ANP32E: variants seen among roughly 807,000 people sequenced by gnomAD.
The protein encoded by ANP32E is acidic nuclear phosphoprotein 32 family member E, also known as acidic leucine-rich nuclear phosphoprotein 32 family member E.
Under a neutral mutation model 35.3 loss-of-function variants are expected in ANP32E, and 14 were observed. The observed-to-expected ratio is 0.40, with a 90% confidence interval of 0.26 to 0.62. The LOEUF (loss-of-function observed/expected upper bound fraction) is 0.62, where lower values mean the gene tolerates loss of function less well. Among genes scored for constraint, ANP32E ranks in the 20% least tolerant of loss-of-function variants. ANP32E has a pLI of 0.45. For missense variants in ANP32E, 198 were observed against 304.4 expected (o/e 0.65, Z 2.60); for synonymous variants, 89 against 110.4 (o/e 0.81, Z 1.22).
chr1:150,234,184 G>A (rs1208326491), intron 1 of ANP32E, among the ~76,000 whole-genome samples: 1 of 151,882 alleles, frequency 6.6e-6, no homozygotes, highest in African/African-American at 2.4e-5. Context: ...CAATCACTAA[G>A]TGAAAGAATC....
chr1:150,229,968 T>C (rs990820830), intron 3 of ANP32E, among the ~76,000 whole-genome samples: 3 of 152,226 alleles, frequency 2.0e-5, no homozygotes, highest in Non-Finnish European at 2.9e-5. Flanking sequence ...TTGAGAATGA[T>C]TTTTGTATTT....
chr1:150,234,934 G>GA (rs1397111408), intron 1 of ANP32E, among the ~76,000 whole-genome samples: 1 of 152,228 alleles, frequency 6.6e-6, no homozygotes, highest in Admixed American at 6.5e-5. Context: ...TTTAAAGCAC[G>GA]AAACTACTAC....
intron 5 of ANP32E, among the ~76,000 whole-genome samples, chr1:150,223,747 A>AT (rs1437789867): frequency 7.0e-4 from 82 of 116,322 alleles, no homozygotes; most frequent in African/African-American, 2.4e-3. Context: ...CTTTTTATTT[A>AT]TTTATTTTTT....
rs1649750514 is a variant in ANP32E, at chr1:150,235,977, C to CT, written c.-192dup. ...CAAATGGAGTCCAAGAGTTGGGACT[C>CT]TAACTCAGCTGCCCCCACCTCCTTG... On this transcript the variant is annotated 5_prime_UTR_variant, in exon 1 of 7. It removes the in-frame stop codon of an upstream open reading frame in the 5' UTR. Transcript: ENST00000583931. This position sits in a 1 kb window ranked among gnomAD's most constrained non-coding sequence, Gnocchi z 4.2. 9 of 589,370 alleles carry CT rather than the reference C, an allele frequency of 1.5e-5. No homozygotes were observed. In the South Asian group the frequency reaches 1.6e-4, roughly 11 times the overall value. The allele number at this position is 589,370 out of a possible 1,614,324, so 36.5% of individuals were successfully genotyped here.
At chr1:150,228,907 G>A (rs587754452) in intron 4 of ANP32E, among the ~76,000 whole-genome samples, 165 bp downstream of exon 4, 107 of 152,186 alleles carry the variant, frequency 7.0e-4, no homozygotes, top group African/African-American at 2.5e-3. Context: ...AAATCTGAAA[G>A]AAGAAATACT....
chr1:150,225,665 T>TCAAAAAAAAAAAA lies in ANP32E; in HGVS notation c.681+942_681+943insTTTTTTTTTTTTG, dbSNP rs1339242877. On this transcript the variant is annotated intron_variant, in intron 5 of 6. Transcript: ENST00000583931. The stretch of plus-strand genomic sequence containing the variant: ...CAGCCTGGGCAACAGAGTGAGACTG[T>TCAAAAAAAAAAAA]AACAAAAAAAAAAAAAAAAAAAAAA... 1.9e-4 allele frequency among the ~76,000 whole-genome samples: 16 copies of TCAAAAAAAAAAAA among 83,548 alleles called. 6 individuals are homozygous for TCAAAAAAAAAAAA. The highest frequency in any genetic ancestry group is 3.3e-4 in the African/African-American group (6 of 18,078). 54.8% of individuals were successfully genotyped at this position (83,548 alleles called of 152,430 possible).
At chr1:150,221,510 AGG>A in intron 6 of ANP32E, among the ~76,000 whole-genome samples, 1 of 86,742 alleles carries the variant, frequency 1.2e-5, no homozygotes, top group Non-Finnish European at 2.3e-5. Flanking sequence ...GGAGGGAGGG[AGG>A]AAAGGAAGGA....
chr1:150,221,796 AT>A (rs1446787364), intron 6 of ANP32E, among the ~76,000 whole-genome samples: 4 of 152,160 alleles, frequency 2.6e-5, no homozygotes, highest in Admixed American at 6.5e-5. Context: ...TTGTTAGTAA[AT>A]TTTAAAAATT....
chr1:150,232,532 A>G (rs766231185), intron 1 of ANP32E, among the ~76,000 whole-genome samples: 1 of 139,128 alleles, frequency 7.2e-6, no homozygotes, highest in Non-Finnish European at 1.5e-5. Flanking sequence ...GTGCAATGGC[A>G]CGATCTCGGC....
chr1:150,235,145 G>A lies in ANP32E; in HGVS notation c.54+588C>T, dbSNP rs1342185888. Among the ~76,000 whole-genome samples the A allele has an allele frequency of 1.3e-5, 2 of 152,220 alleles. No homozygotes were observed. Among genetic ancestry groups the A allele is most frequent in the African/African-American group, 4.8e-5 (2 of 41,466 alleles). On this transcript the variant is annotated intron_variant, in intron 1 of 6. Transcript: ENST00000583931. The surrounding 1 kb of genome is among the most constrained non-coding windows in gnomAD (Gnocchi z 4.2). ...GCCGCTGACCCAGATTCCGCCGGGC[G>A]AAGGGCAGAGGGCGGCGCGCGCGGC...
chr1:150,220,463 A>G lies in ANP32E; in HGVS notation c.*228T>C. 1 of 430,938 alleles carries G rather than the reference A, an allele frequency of 2.3e-6. No individual in the cohort carries two copies. The highest frequency in any genetic ancestry group is 4.2e-6 in the Non-Finnish European group (1 of 238,026). The allele number at this position is 430,938 out of a possible 1,614,324, so 26.7% of individuals were successfully genotyped here. On this transcript the variant is annotated 3_prime_UTR_variant, in exon 7 of 7. Transcript: ENST00000583931. ...AAAAATTAAGTCTAAATAAATTGCT[A>G]GGGAATTCCACAATGGGAGTCAATG...
At position 150,226,789 on chromosome 1, in the gene ANP32E, T is replaced by C; in HGVS notation, c.500A>G (p.Asp167Gly). The change falls in exon 5 of 7, where the codon GAT becomes GGT. Residue 167 changes from aspartate (D) to glycine (G), a missense_variant. Physicochemically the swap from Asp to Gly is moderately conservative, Grantham distance 94. Around this residue, in one of 4 missense-constraint regions of ANP32E, gnomAD observed 121 missense variants for 137.3 expected, o/e 0.88. Coordinates refer to ENST00000583931, the MANE Select transcript of ANP32E (RefSeq NM_030920.5). ...DSEEEDDEDGDEDDEEEEENE... is the reference protein window; with the variant it reads ...DSEEEDDEDGGEDDEEEEENE... Reference sequence around the variant, plus strand: ...TTCCTCTTCCTCTTCATCATCTTCATCGCCATCTTTAAAAAATCATTTAAA... The same window carrying C: ...TTCCTCTTCCTCTTCATCATCTTCACCGCCATCTTTAAAAAATCATTTAAA... 1 of 1,601,574 alleles carries C rather than the reference T, an allele frequency of 6.2e-7. No individual in the cohort carries two copies. Among genetic ancestry groups the C allele is most frequent in the East Asian group, 2.2e-5 (1 of 44,692 alleles).
chr1:150,227,806 T>TTTTTTTTTTTTTTTTGAG (rs1553840516), intron 4 of ANP32E, among the ~76,000 whole-genome samples: 5 of 142,362 alleles, frequency 3.5e-5, no homozygotes, highest in Non-Finnish European at 8.0e-5. Flanking sequence ...AATTTCTTTT[T>TTTTTTTTTTTTTTTTGAG]ACGATGAAGA....
chr1:150,220,857 T>TGTG, intron 6 of ANP32E, 96 bp from the exon 7 acceptor site: 1 of 1,055,464 alleles, frequency 9.5e-7, no homozygotes, highest in Non-Finnish European at 1.4e-6. Context: ...TGGCAAGGCC[T>TGTG]AGCACGGTGG....
Position 150,223,342 on chromosome 1 carries a change from T to G in ANP32E, c.682-102A>C, listed in dbSNP as rs587668258. ...AAGAGCAAAGAAACTATGGTTATTCTGTGTTTTGACAACCTCTGCCATTCT... is the reference window on the plus strand; with the variant it reads ...AAGAGCAAAGAAACTATGGTTATTCGGTGTTTTGACAACCTCTGCCATTCT... On this transcript the variant is annotated intron_variant, in intron 5 of 6. Coordinates refer to ENST00000583931, the MANE Select transcript of ANP32E (RefSeq NM_030920.5). 57 of 1,434,506 alleles carry G rather than the reference T, an allele frequency of 4.0e-5. No individual in the cohort carries two copies. The Admixed American group carries it at 4.8e-4, about 12-fold the overall frequency. The allele number at this position is 1,434,506 out of a possible 1,614,324, so 88.9% of individuals were successfully genotyped here.
rs1419764093 is a variant in ANP32E at position 150,235,685 on chromosome 1, T to C, written c.54+48A>G. 3 of 1,610,942 alleles carry C rather than the reference T, an allele frequency of 1.9e-6. No homozygotes were observed. In the East Asian group the frequency reaches 6.7e-5, roughly 36 times the overall value. On this transcript the variant is annotated intron_variant, in intron 1 of 6. Transcript: ENST00000583931. The surrounding 1 kb of genome is among the most constrained non-coding windows in gnomAD (Gnocchi z 4.2). ...CCCAGGACCACCAGAAATCCGATCC[T>C]CAGAATACTGGACTGATGGGGAAGC...
At chr1:150,226,506 A>G in intron 5 of ANP32E, 102 bp downstream of exon 5, 1 of 1,425,504 alleles carries the variant, frequency 7.0e-7, no homozygotes, top group Non-Finnish European at 9.5e-7. Flanking sequence ...CACACCCACA[A>G]CTTAGAAACA....
In ANP32E at chr1:150,231,929, G is replaced by A. The variant is rs782503305; in HGVS notation, c.55-3C>T. The A allele has an allele frequency of 6.2e-7, 1 of 1,608,748 alleles. No homozygotes were observed. Among genetic ancestry groups the A allele is most frequent in the African/African-American group, 1.3e-5 (1 of 74,630 alleles). ...TTATCAAGGACTAACTCTGTCACCTGTAAGAGGGAAAACATTAATTAATGA... is the reference window on the plus strand; with the variant it reads ...TTATCAAGGACTAACTCTGTCACCTATAAGAGGGAAAACATTAATTAATGA... On this transcript the variant is annotated splice_polypyrimidine_tract_variant and splice_region_variant and intron_variant, in intron 1 of 6. Transcript: ENST00000583931.
At chr1:150,231,670 C>G in intron 2 of ANP32E, 107 bp downstream of exon 2, 1 of 1,285,812 alleles carries the variant, frequency 7.8e-7, no homozygotes, top group Non-Finnish European at 1.0e-6. Flanking sequence ...TCTCTAGAAA[C>G]TTAAAAACTT....
Sources: gnomAD v4.1 joint callset for allele counts (sites outside exome capture counted in the v4.1 genomes callset) on GRCh38, gnomAD v4.1.1 for gene constraint, gnomAD v4.1.1 regional missense constraint, Gnocchi (gnomAD v3.1) non-coding constraint, MANE v1.5 for transcripts, NCBI Gene and HGNC (gene_info 2026-07-23, HGNC 2026-07-21) for gene names.